Variants in ZCCHC7 observed in about 807,000 individuals in gnomAD.
ZCCHC7 encodes the protein zinc finger CCHC domain-containing protein 7.
A neutral mutation model predicts 52.0 loss-of-function variants in ZCCHC7; 35 were observed. The ratio of observed to expected loss-of-function variants is 0.67; its 90% CI spans 0.51 to 0.89. The LOEUF (loss-of-function observed/expected upper bound fraction) is 0.89, where lower values mean the gene tolerates loss of function less well. ZCCHC7 is among the 40% of genes least tolerant of loss of function. ZCCHC7 has a pLI of 0.00. For synonymous variants in ZCCHC7, 217 were observed against 221.5 expected, an observed-to-expected ratio of 0.98 and a Z score of 0.18; for missense variants, 574 against 649.1, an observed-to-expected ratio of 0.88 and a Z score of 1.26.
chr9:37,338,964 A>G (rs1488526951), intron 6 of ZCCHC7, among the ~76,000 whole-genome samples: 1 of 152,184 alleles, frequency 6.6e-6, no homozygotes, highest in Non-Finnish European at 1.5e-5. Flanking sequence ...TCTGTTGTGT[A>G]CATAATACAT....
Position 37,356,928 on chromosome 9 carries a change from G to C in ZCCHC7, c.1292G>C (p.Arg431Pro), listed in dbSNP as rs760146756. The C allele has an allele frequency of 1.2e-6, 2 of 1,613,676 alleles. No homozygotes were observed. Among genetic ancestry groups the C allele is most frequent in the African/African-American group, 1.3e-5 (1 of 74,844 alleles). ...ENPHHDIRKG[R>P]ASWKSNRWPQ... ...CCCCACCATGATATAAGGAAGGGCC[G>C]TGCCTCATGGAAAAGCAACAGGTGG... Residue 431 changes from arginine to proline, a missense_variant, in exon 9 of 9, where the codon CGT becomes CCT. Physicochemically the swap from Arg to Pro is moderately radical, Grantham distance 103. Around this residue, in one of 3 missense-constraint regions of ZCCHC7, gnomAD observed 168 missense variants for 171.6 expected, o/e 0.98. Coordinates refer to ENST00000336755, the MANE Select transcript of ZCCHC7 (RefSeq NM_032226.3).
rs1196220568 is a variant in ZCCHC7 at position 37,208,339 on chromosome 9, G to A, written c.610+81397G>A. Among the ~76,000 whole-genome samples, 3 of 152,076 alleles carry A rather than the reference G, an allele frequency of 2.0e-5. No homozygotes were observed. In the East Asian group the frequency reaches 5.8e-4, roughly 29 times the overall value. On this transcript the variant is annotated intron_variant, in intron 2 of 8. Coordinates refer to ENST00000336755, the MANE Select transcript of ZCCHC7 (RefSeq NM_032226.3). ...GAGCTCAATTGATCCACCTGCCTCGGCCTCCCAAAGTGTTAGGATCACAGA... is the reference window on the plus strand; with the variant it reads ...GAGCTCAATTGATCCACCTGCCTCGACCTCCCAAAGTGTTAGGATCACAGA...
At chr9:37,340,505 A>T (rs1363723832) in intron 6 of ZCCHC7, among the ~76,000 whole-genome samples, 1 of 152,180 alleles carries the variant, frequency 6.6e-6, no homozygotes, top group East Asian at 1.9e-4. Flanking sequence ...GACTTAAAAA[A>T]GTTCACAAAA....
intron 6 of ZCCHC7, among the ~76,000 whole-genome samples, chr9:37,347,554 G>A (rs970464516): frequency 3.9e-5 from 6 of 151,990 alleles, no homozygotes; most frequent in South Asian, 4.2e-4. Flanking sequence ...GTTAACTATC[G>A]CCATGTTGAA....
chr9:37,171,916 G>GTTATTC (rs1473984874), intron 2 of ZCCHC7, among the ~76,000 whole-genome samples: 1 of 152,138 alleles, frequency 6.6e-6, no homozygotes, highest in Non-Finnish European at 1.5e-5. Context: ...GTATTCTTCT[G>GTTATTC]TTATTTCTTA....
chr9:37,150,327 A>G (rs1588382747), intron 2 of ZCCHC7, among the ~76,000 whole-genome samples: 1 of 152,354 alleles, frequency 6.6e-6, no homozygotes, highest in East Asian at 1.9e-4. Context: ...ACCAGTAAAC[A>G]AAATCAGCTC....
intron 2 of ZCCHC7, among the ~76,000 whole-genome samples, chr9:37,186,256 A>G (rs948257165): frequency 1.3e-5 from 2 of 152,170 alleles, no homozygotes; most frequent in African/African-American, 4.8e-5. Flanking sequence ...TGTGGATAGC[A>G]TGTAAATAAA....
At chr9:37,251,703 G>A (rs977430015) in intron 2 of ZCCHC7, among the ~76,000 whole-genome samples, 2 of 152,186 alleles carry the variant, frequency 1.3e-5, no homozygotes, top group Non-Finnish European at 2.9e-5. Context: ...TATGCTTGCC[G>A]ACGCAGATGG....
chr9:37,350,913 A>G (rs544639747), intron 7 of ZCCHC7, among the ~76,000 whole-genome samples: 1 of 152,356 alleles, frequency 6.6e-6, no homozygotes, highest in African/African-American at 2.4e-5. Context: ...ACTAATATCA[A>G]ACCAGATCTG....
chr9:37,336,267 C>T (rs1830650251), intron 6 of ZCCHC7, among the ~76,000 whole-genome samples: 1 of 152,252 alleles, frequency 6.6e-6, no homozygotes, highest in South Asian at 2.1e-4. Context: ...AAAAAGGCAA[C>T]TCAAACTTAA....
intron 2 of ZCCHC7, among the ~76,000 whole-genome samples, chr9:37,287,608 G>A (rs1828314702): frequency 6.6e-6 from 1 of 152,094 alleles, no homozygotes; most frequent in Non-Finnish European, 1.5e-5. Flanking sequence ...ATCTGAAAAG[G>A]AAGTACACAA....
intron 5 of ZCCHC7, among the ~76,000 whole-genome samples, chr9:37,315,073 C>T (rs187765654): frequency 1.3e-3 from 191 of 150,630 alleles, no homozygotes; most frequent in African/African-American, 4.2e-3. Context: ...ACACACAGTT[C>T]GTCTTGAAAA....
At chr9:37,254,277 G>A (rs1826468035) in intron 2 of ZCCHC7, among the ~76,000 whole-genome samples, 1 of 152,056 alleles carries the variant, frequency 6.6e-6, no homozygotes, top group African/African-American at 2.4e-5. Flanking sequence ...CTGAATAAAT[G>A]TAGTTTAAGA....
chr9:37,259,012 C>G (rs1826736777), intron 2 of ZCCHC7, among the ~76,000 whole-genome samples: 1 of 151,830 alleles, frequency 6.6e-6, no homozygotes, highest in Non-Finnish European at 1.5e-5. Context: ...TTTTGTAAGA[C>G]AATAGGCAAG....
Position 37,327,823 on chromosome 9 carries a change from T to G in ZCCHC7, c.976T>G (p.Tyr326Asp). The G allele has an allele frequency of 6.2e-7, 1 of 1,613,188 alleles. No homozygotes were observed. The highest frequency in any genetic ancestry group is 8.5e-7 in the Non-Finnish European group (1 of 1,179,324). ...GGCTTGCACAGAAATCTGGAGGCAG[T>G]ATCACCTAACGGTGAGTAGAAACAC... is the stretch of plus-strand genomic sequence containing the variant. Reference protein sequence around the residue: ...TDACTEIWRQYHLTTKPGPPK... With the variant: ...TDACTEIWRQDHLTTKPGPPK... Residue 326 changes from tyrosine to aspartate, a missense_variant, in exon 6 of 9, where the codon TAT becomes GAT. Coordinates refer to ENST00000336755, the MANE Select transcript of ZCCHC7 (RefSeq NM_032226.3).
At chr9:37,264,459 CT>C (rs11321898) in intron 2 of ZCCHC7, among the ~76,000 whole-genome samples, 85,612 of 151,344 alleles carry the variant, frequency 0.57, 24,831 homozygotes, top group African/African-American at 0.7. Flanking sequence ...TTTAAATAGT[CT>C]TTTTTTTTGT....
At chr9:37,206,662 T>C (rs1823933349) in intron 2 of ZCCHC7, among the ~76,000 whole-genome samples, 1 of 152,106 alleles carries the variant, frequency 6.6e-6, no homozygotes, top group South Asian at 2.1e-4. Flanking sequence ...TAGCTTTCTA[T>C]GTGGCCAGTT....
In ZCCHC7 at chr9:37,222,377, G is replaced by A. The variant is rs111561250; in HGVS notation, c.611-79811G>A. 1.1e-4 allele frequency among the ~76,000 whole-genome samples: 14 copies of A among 132,052 alleles called. 3 individuals carry two copies. Among genetic ancestry groups the A allele is most frequent in the African/African-American group, 3.5e-4 (12 of 34,674 alleles). The allele number at this position is 132,052 out of a possible 152,430, so 86.6% of individuals were successfully genotyped here. A position where few individuals can be genotyped will look rare whatever the true frequency, so the allele number is the denominator to read the frequency against. ...TGTGTGTGTGTGTGTGTGTGTGTGT[G>A]TTTTCAAGTATAAAGAAGAGTGTAG... On this transcript the variant is annotated intron_variant, in intron 2 of 8. Coordinates refer to ENST00000336755, the MANE Select transcript of ZCCHC7 (RefSeq NM_032226.3).
chr9:37,132,663 A>G (rs1454008195), intron 2 of ZCCHC7, among the ~76,000 whole-genome samples: 1 of 152,074 alleles, frequency 6.6e-6, no homozygotes, highest in African/African-American at 2.4e-5. Flanking sequence ...GGATACCAAA[A>G]TCTATGGATG....
Sources: allele counts gnomAD v4.1 joint callset (sites outside exome capture counted in the v4.1 genomes callset), GRCh38; gene constraint gnomAD v4.1.1; regional missense constraint gnomAD v4.1.1; transcripts MANE v1.5; gene names NCBI Gene and HGNC (gene_info 2026-07-23, HGNC 2026-07-21).